PTPRD: variants seen among roughly 807,000 people sequenced by gnomAD.
PTPRD encodes the protein receptor-type tyrosine-protein phosphatase delta.
Under a neutral mutation model 214.5 loss-of-function variants are expected in PTPRD, and 34 were observed. That is an observed-to-expected ratio of 0.16 (90% CI 0.12 to 0.21). PTPRD has a LOEUF of 0.21. Ranked by LOEUF, PTPRD falls within the 10% of genes least tolerant of loss-of-function variation. The pLI, the probability that PTPRD is intolerant of heterozygous loss-of-function variation, is 1.00. For synonymous variants in PTPRD, 1,128 were observed against 845.7 expected (o/e 1.33, Z -5.79); for missense variants, 2,545 against 2,398.7 (o/e 1.06, Z -1.27).
chr9:9,427,515 C>G (rs2081406690), intron 8 of PTPRD, among the ~76,000 whole-genome samples: 1 of 146,400 alleles, frequency 6.8e-6, no homozygotes, highest in African/African-American at 2.6e-5. Context: ...GAGAACTTAC[C>G]CAACCTAGCA....
At chr9:9,502,783 C>T (rs1307090387) in intron 8 of PTPRD, among the ~76,000 whole-genome samples, 2 of 151,834 alleles carry the variant, frequency 1.3e-5, no homozygotes, top group African/African-American at 4.8e-5. Context: ...AACATGTATA[C>T]ATCCTAAAAA....
chr9:8,929,539 C>T (rs760390544), intron 11 of PTPRD, among the ~76,000 whole-genome samples: 1 of 151,620 alleles, frequency 6.6e-6, no homozygotes, highest in Non-Finnish European at 1.5e-5. Context: ...AGTATGAAGC[C>T]GACTTGATCG....
intron 35 of PTPRD, among the ~76,000 whole-genome samples, chr9:8,424,676 G>GA (rs386414399): frequency 0.035 from 126 of 3,644 alleles, no homozygotes; most frequent in African/African-American, 0.15. Flanking sequence ...AAATAAAGAA[G>GA]GGGACTGGGA....
chr9:9,280,677 T>A (rs1156881775), intron 9 of PTPRD, among the ~76,000 whole-genome samples: 1 of 151,310 alleles, frequency 6.6e-6, no homozygotes, highest in Non-Finnish European at 1.5e-5. Flanking sequence ...ATAAGAAGAC[T>A]CATTAATGTC....
At chr9:9,830,565 C>G (rs768255635) in intron 5 of PTPRD, among the ~76,000 whole-genome samples, 4 of 151,912 alleles carry the variant, frequency 2.6e-5, no homozygotes, top group Non-Finnish European at 4.4e-5. Context: ...GTAGAGTTCA[C>G]TTCCAACTAT....
chr9:8,474,322 G>C (rs2096719664), intron 30 of PTPRD, among the ~76,000 whole-genome samples: 1 of 151,952 alleles, frequency 6.6e-6, no homozygotes, highest in South Asian at 2.1e-4. Flanking sequence ...CGGGGTTCAT[G>C]GCCTTCTTTT....
chr9:9,247,786 A>G (rs1048431152), intron 9 of PTPRD, among the ~76,000 whole-genome samples: 11 of 152,082 alleles, frequency 7.2e-5, no homozygotes, highest in African/African-American at 1.7e-4. Context: ...TTCCAATTCC[A>G]TTGAATCAGA....
intron 8 of PTPRD, among the ~76,000 whole-genome samples, chr9:9,448,825 T>G (rs1366315596): frequency 1.3e-5 from 2 of 152,016 alleles, no homozygotes; most frequent in Admixed American, 1.3e-4. Context: ...CACACTGTGG[T>G]ATAGGTTGTG....
chr9:8,815,188 A>G (rs1458209893), intron 11 of PTPRD, among the ~76,000 whole-genome samples: 1 of 152,094 alleles, frequency 6.6e-6, no homozygotes, highest in Non-Finnish European at 1.5e-5. Flanking sequence ...GATATAGAGT[A>G]GAAGCAGGCA....
In PTPRD at chr9:10,195,040, C is replaced by A. The variant is rs1245658668; in HGVS notation, c.-545+145923G>T. Among the ~76,000 whole-genome samples the A allele has an allele frequency of 2.0e-5, 3 of 147,916 alleles. No homozygotes were observed. In the East Asian group the frequency reaches 6.0e-4, roughly 30 times the overall value. ...CTCTGCCTCCTGGGTTCAAGCAATT[C>A]TCCTGCCTCAGCCTTCCAAGTAGCT... On this transcript the variant is annotated intron_variant, in intron 3 of 45. Transcript: ENST00000381196.
intron 8 of PTPRD, among the ~76,000 whole-genome samples, chr9:9,461,084 C>T (rs1167086077): frequency 6.6e-6 from 1 of 151,882 alleles, no homozygotes; most frequent in African/African-American, 2.4e-5. Flanking sequence ...AAATTAAACA[C>T]TATATATTCT....
chr9:9,729,215 G>A lies in PTPRD; in HGVS notation c.-287+5318C>T, dbSNP rs535690827. On this transcript the variant is annotated intron_variant, in intron 7 of 45. Transcript: ENST00000381196. ...CAGAATTCATCTGTTGTTCAGATAAGTTAGCTGTGAAACTGGGAGTATCTT... is the reference window on the plus strand; with the variant it reads ...CAGAATTCATCTGTTGTTCAGATAAATTAGCTGTGAAACTGGGAGTATCTT... 1.0e-3 allele frequency among the ~76,000 whole-genome samples: 153 copies of A among 152,216 alleles called. 1 individual carries two copies. Among genetic ancestry groups the A allele is most frequent in the African/African-American group, 3.4e-3 (143 of 41,548 alleles).
chr9:8,949,217 C>G (rs1196142275), intron 11 of PTPRD, among the ~76,000 whole-genome samples: 28 of 142,610 alleles, frequency 2.0e-4, no homozygotes, highest in African/African-American at 6.1e-4. Context: ...GAGCGAGACT[C>G]CATCTCAAAA....
At chr9:10,142,087 C>G (rs1016453525) in intron 3 of PTPRD, among the ~76,000 whole-genome samples, 63 of 152,136 alleles carry the variant, frequency 4.1e-4, no homozygotes, top group African/African-American at 1.5e-3. Context: ...AAAGCTGAAA[C>G]TGGATCCCTT....
At chr9:8,656,566 A>G (rs2096913666) in intron 12 of PTPRD, among the ~76,000 whole-genome samples, 1 of 152,166 alleles carries the variant, frequency 6.6e-6, no homozygotes, top group Non-Finnish European at 1.5e-5. Flanking sequence ...TACATTATAC[A>G]ATTTGTAATA....
intron 32 of PTPRD, among the ~76,000 whole-genome samples, chr9:8,463,993 T>C (rs2096486676): frequency 6.6e-6 from 1 of 151,910 alleles, no homozygotes; most frequent in South Asian, 2.1e-4. Flanking sequence ...GATGATAGAA[T>C]AAAGGGGCAA....
At chr9:8,995,742 T>C (rs1273645080) in intron 11 of PTPRD, among the ~76,000 whole-genome samples, 1 of 151,470 alleles carries the variant, frequency 6.6e-6, no homozygotes, top group Non-Finnish European at 1.5e-5. Context: ...GGTTTCACAG[T>C]GTTATATACT....
chr9:9,905,653 C>T (rs576734234), intron 5 of PTPRD, among the ~76,000 whole-genome samples: 5 of 151,882 alleles, frequency 3.3e-5, no homozygotes, highest in Admixed American at 1.3e-4. Context: ...AGCACAAAAC[C>T]CAAGATATCA....
At chr9:9,712,851 G>T (rs768932236) in intron 7 of PTPRD, among the ~76,000 whole-genome samples, 1 of 152,098 alleles carries the variant, frequency 6.6e-6, no homozygotes, top group African/African-American at 2.4e-5. Flanking sequence ...CTATTTTATG[G>T]TATTTGTTTT....
Sources: gnomAD v4.1 joint callset for allele counts (sites outside exome capture counted in the v4.1 genomes callset) on GRCh38, gnomAD v4.1.1 for gene constraint, MANE v1.5 for transcripts, NCBI Gene and HGNC (gene_info 2026-07-23, HGNC 2026-07-21) for gene names.